SLC8A1: variants seen among roughly 807,000 people sequenced by gnomAD.
SLC8A1 encodes sodium/calcium exchanger 1.
In SLC8A1, 18 loss-of-function variants were observed where a neutral mutation model predicts 68.3. The ratio of observed to expected loss-of-function variants is 0.26; its 90% CI spans 0.18 to 0.39. The LOEUF (loss-of-function observed/expected upper bound fraction) is 0.39. SLC8A1 is among the 10% of genes least tolerant of loss of function. The pLI is 1.00. For synonymous variants in SLC8A1, 475 were observed against 415.5 expected, an observed-to-expected ratio of 1.14 and a Z score of -1.74; for missense variants, 985 against 1,156.7, an observed-to-expected ratio of 0.85 and a Z score of 2.15.
chr2:40,511,744 G>A (rs1559782789), intron 1 of SLC8A1, among the ~76,000 whole-genome samples: 2 of 152,166 alleles, frequency 1.3e-5, no homozygotes, highest in Non-Finnish European at 2.9e-5. Context: ...AGGGCTCACA[G>A]CTGGTTTCAG....
At chr2:40,306,557 A>G (rs1267857957) in intron 2 of SLC8A1, among the ~76,000 whole-genome samples, 1 of 152,204 alleles carries the variant, frequency 6.6e-6, no homozygotes, top group Non-Finnish European at 1.5e-5. Context: ...AAATAGGCCA[A>G]TGGGAAACAT....
chr2:40,323,455 T>A (rs2075448151), intron 2 of SLC8A1, among the ~76,000 whole-genome samples: 1 of 152,154 alleles, frequency 6.6e-6, no homozygotes. Flanking sequence ...AACTGAGTGA[T>A]TAATCTATTC....
chr2:40,359,971 G>C (rs1002820506), intron 2 of SLC8A1, among the ~76,000 whole-genome samples: 1 of 151,478 alleles, frequency 6.6e-6, no homozygotes, highest in Non-Finnish European at 1.5e-5. Flanking sequence ...AGTAACGGCT[G>C]TGCAAGAGTC....
At chr2:40,419,694 T>C (rs1000335240) in intron 2 of SLC8A1, among the ~76,000 whole-genome samples, 1 of 152,154 alleles carries the variant, frequency 6.6e-6, no homozygotes, top group African/African-American at 2.4e-5. Context: ...AACTTATCCT[T>C]GTAACATTAG....
intron 2 of SLC8A1, chr2:40,177,977 C>T: frequency 2.9e-6 from 2 of 687,822 alleles, no homozygotes; most frequent in Non-Finnish European, 5.2e-6. Flanking sequence ...ACATGGGCCT[C>T]CTGAAGTATG....
At chr2:40,218,135 A>G (rs1289808520) in intron 2 of SLC8A1, among the ~76,000 whole-genome samples, 5 of 152,190 alleles carry the variant, frequency 3.3e-5, no homozygotes, top group Non-Finnish European at 7.4e-5. Context: ...TGGCATTGTT[A>G]TTAATGAAAG....
chr2:40,103,148 T>G (rs2033997607), exon 8 of SLC8A1: 2 of 152,170 alleles, frequency 1.3e-5, no homozygotes, highest in Non-Finnish European at 2.9e-5. Context: ...TCCAATGACA[T>G]TCTAACTGGG....
rs1021663762 is a variant in SLC8A1 at position 40,442,302 on chromosome 2, G to A, written c.-25+9602C>T. On this transcript the variant is annotated intron_variant, in intron 1 of 7. Transcript: ENST00000406785. ...AAAAGAAAAAGAAACTAGCATCAGA[G>A]TGAACAAGCAACCTACAGAATGGGA... Among the ~76,000 whole-genome samples, 4 of 148,160 alleles carry A rather than the reference G, an allele frequency of 2.7e-5. No homozygotes were observed. In the East Asian group the frequency reaches 5.9e-4, roughly 22 times the overall value.
chr2:40,132,156 G>A (rs147746576), intron 7 of SLC8A1, among the ~76,000 whole-genome samples: 3 of 151,868 alleles, frequency 2.0e-5, no homozygotes, highest in Non-Finnish European at 4.4e-5. Context: ...TTCTTAAAAC[G>A]TTTGTGAGGC....
chr2:40,357,053 G>A (rs1192463741), intron 2 of SLC8A1, among the ~76,000 whole-genome samples: 1 of 152,092 alleles, frequency 6.6e-6, no homozygotes, highest in African/African-American at 2.4e-5. Context: ...AACACAGCAA[G>A]AAGAACTTTT....
intron 2 of SLC8A1, among the ~76,000 whole-genome samples, chr2:40,197,784 A>G (rs922818457): frequency 7.3e-5 from 3 of 40,894 alleles, no homozygotes; most frequent in African/African-American, 1.7e-4. Flanking sequence ...CTATGGAACC[A>G]AGAGAGTGGT....
At chr2:40,360,442 G>A (rs1222835342) in intron 2 of SLC8A1, among the ~76,000 whole-genome samples, 1 of 152,026 alleles carries the variant, frequency 6.6e-6, no homozygotes, top group Non-Finnish European at 1.5e-5. Context: ...TTATATAAGA[G>A]CCCTTTATCT....
intron 2 of SLC8A1, among the ~76,000 whole-genome samples, chr2:40,300,318 G>A (rs1018711083): frequency 6.6e-6 from 1 of 152,138 alleles, no homozygotes; most frequent in Non-Finnish European, 1.5e-5. Flanking sequence ...CCATCTGACA[G>A]ATGAGAAAGC....
intron 2 of SLC8A1, among the ~76,000 whole-genome samples, chr2:40,269,049 GA>G (rs1397887850): frequency 6.6e-6 from 1 of 152,174 alleles, no homozygotes; most frequent in East Asian, 1.9e-4. Context: ...TGAAAACCAC[GA>G]AGATGATGGG....
rs141063529 is a variant in SLC8A1 at position 40,378,522 on chromosome 2, G to C, written c.1808+49951C>G. Among the ~76,000 whole-genome samples the C allele has an allele frequency of 1.3e-4, 20 of 152,254 alleles. No homozygotes were observed. The East Asian group carries it at 3.7e-3, about 28-fold the overall frequency. On this transcript the variant is annotated intron_variant, in intron 2 of 7. Transcript: ENST00000406785. The stretch of plus-strand genomic sequence containing the variant: ...GTGGAGTTTTTACTCTCAGTGAAGT[G>C]CGAAGCTAGTGGAGAGTTTTGAGCA...
exon 2 of SLC8A1, chr2:40,428,605 T>C (rs1697498470): frequency 1.9e-6 from 3 of 1,613,862 alleles, no homozygotes; most frequent in Non-Finnish European, 1.7e-6. Flanking sequence ...TCTCAATACT[T>C]TCACCTCCAT....
At chr2:40,361,634 T>G (rs1461574814) in intron 2 of SLC8A1, among the ~76,000 whole-genome samples, 2 of 152,064 alleles carry the variant, frequency 1.3e-5, no homozygotes, top group Non-Finnish European at 1.5e-5. Context: ...GGTACCTCAC[T>G]GCCTATAAAC....
intron 2 of SLC8A1, among the ~76,000 whole-genome samples, chr2:40,304,672 C>A (rs993428663): frequency 6.6e-6 from 1 of 152,148 alleles, no homozygotes; most frequent in Non-Finnish European, 1.5e-5. Context: ...TTTCTTGACC[C>A]AGCCACTGCC....
chr2:40,326,332 T>C (rs890028733), intron 2 of SLC8A1, among the ~76,000 whole-genome samples: 1 of 151,816 alleles, frequency 6.6e-6, no homozygotes, highest in African/African-American at 2.4e-5. Context: ...AGAGAACAGA[T>C]CTCCTGGCCA....
Sources: allele counts gnomAD v4.1 joint callset (sites outside exome capture counted in the v4.1 genomes callset), GRCh38; gene constraint gnomAD v4.1.1; transcripts MANE v1.5; gene names NCBI Gene and HGNC (gene_info 2026-07-23, HGNC 2026-07-21).